The following FRMPD4 variants were observed in gnomAD, a reference collection of about 807,000 sequenced individuals.
FRMPD4 encodes the protein FERM and PDZ domain-containing protein 4.
FRMPD4 carries 22 observed loss-of-function variants against 94.1 expected under a neutral mutation model. The ratio of observed to expected loss-of-function variants is 0.23; its 90% CI spans 0.17 to 0.33. The LOEUF (loss-of-function observed/expected upper bound fraction) is 0.33. Ranked by LOEUF, FRMPD4 falls within the 10% of genes least tolerant of loss-of-function variation. The pLI, the probability that FRMPD4 is intolerant of heterozygous loss-of-function variation, is 1.00. For missense variants in FRMPD4, 1,111 were observed against 1,339.9 expected (o/e 0.83, Z 2.67); for synonymous variants, 631 against 548.6 (o/e 1.15, Z -2.10).
intron 3 of FRMPD4, among the ~76,000 whole-genome samples, chrX:12,025,634 C>A (rs773638428): frequency 1.8e-5 from 2 of 112,076 alleles, no homozygotes; most frequent in Non-Finnish European, 3.8e-5. Flanking sequence ...TGTTTGCATT[C>A]TCTGTGGCTT....
Position 12,384,497 on chromosome X carries a change from G to A in FRMPD4, c.42-114183G>A, listed in dbSNP as rs147765458. On this transcript the variant is annotated intron_variant, in intron 1 of 16. Transcript: ENST00000675598. ...CGCACCACTGACCTCCAACCTGAGC[G>A]ACAGAGCAAGACCTTGTCTCAAAAG... is the stretch of plus-strand genomic sequence containing the variant. 1.4e-4 allele frequency among the ~76,000 whole-genome samples: 16 copies of A among 111,048 alleles called. No homozygotes were observed. The South Asian group carries it at 3.5e-3, about 24-fold the overall frequency.
intron 3 of FRMPD4, among the ~76,000 whole-genome samples, chrX:12,125,915 G>T (rs887318619): frequency 3.6e-5 from 4 of 111,643 alleles, no homozygotes; most frequent in Non-Finnish European, 7.5e-5. Flanking sequence ...TATTCCTCAT[G>T]CTCCTGTTCC....
intron 1 of FRMPD4, among the ~76,000 whole-genome samples, chrX:12,486,784 G>A (rs2057743732): frequency 8.9e-6 from 1 of 112,063 alleles, no homozygotes; most frequent in Non-Finnish European, 1.9e-5. Context: ...GACATGAAAA[G>A]GTAGCAGGGC....
chrX:12,547,187 G>A (rs1366084657), intron 2 of FRMPD4, among the ~76,000 whole-genome samples: 3 of 110,785 alleles, frequency 2.7e-5, no homozygotes, highest in Non-Finnish European at 3.8e-5. Context: ...CTCCTGCAAC[G>A]ATGCCACAGA....
At chrX:12,675,722 C>T (rs2059892580) in intron 5 of FRMPD4, among the ~76,000 whole-genome samples, 1 of 111,750 alleles carries the variant, frequency 8.9e-6, no homozygotes, top group Admixed American at 9.6e-5. Flanking sequence ...GAGGCAAATT[C>T]CTTTAGATTT....
chrX:12,368,238 A>G (rs1009470415), intron 1 of FRMPD4, among the ~76,000 whole-genome samples: 2 of 111,996 alleles, frequency 1.8e-5, no homozygotes, highest in African/African-American at 6.5e-5. Flanking sequence ...GCTAAAGGAG[A>G]TGAAATATAT....
chrX:12,034,381 C>A (rs2147436404), intron 3 of FRMPD4, among the ~76,000 whole-genome samples: 1 of 112,013 alleles, frequency 8.9e-6, no homozygotes, highest in East Asian at 2.8e-4. Context: ...CCTCAAATGT[C>A]ATTTCCTAAA....
chrX:12,448,137 T>C (rs1028413950), intron 1 of FRMPD4, among the ~76,000 whole-genome samples: 5 of 111,973 alleles, frequency 4.5e-5, no homozygotes, highest in Non-Finnish European at 7.5e-5. Flanking sequence ...AGTGTTTGTA[T>C]ACTCAGTCAA....
intron 4 of FRMPD4, among the ~76,000 whole-genome samples, chrX:12,633,583 G>GA (rs1331859839): frequency 8.9e-6 from 1 of 112,049 alleles, no homozygotes; most frequent in Non-Finnish European, 1.9e-5. Flanking sequence ...ACATTATTTA[G>GA]AAAAAATAAG....
intron 2 of FRMPD4, among the ~76,000 whole-genome samples, chrX:12,526,574 G>C (rs766025274): frequency 9.0e-6 from 1 of 111,373 alleles, no homozygotes; most frequent in South Asian, 3.8e-4. Flanking sequence ...ACCTCCCTCT[G>C]GATCCTTTTC....
chrX:12,299,694 T>C (rs1224512330), intron 1 of FRMPD4, among the ~76,000 whole-genome samples: 1 of 111,802 alleles, frequency 8.9e-6, no homozygotes, highest in Non-Finnish European at 1.9e-5. Context: ...CAAGTATCCA[T>C]AGGTTATGAG....
intron 1 of FRMPD4, among the ~76,000 whole-genome samples, chrX:12,367,320 C>T (rs775255075): frequency 3.5e-4 from 39 of 112,289 alleles, no homozygotes; most frequent in Non-Finnish European, 7.0e-4. Context: ...TGCCCCTTCC[C>T]GATCCCATTC....
chrX:11,838,346 A>G (rs1368335297), intron 1 of FRMPD4, among the ~76,000 whole-genome samples: 4 of 111,872 alleles, frequency 3.6e-5, no homozygotes, highest in African/African-American at 9.7e-5. Context: ...TAGCTCTTAC[A>G]GTATCGAAAC....
intron 3 of FRMPD4, among the ~76,000 whole-genome samples, chrX:12,060,433 A>C (rs1023273572): frequency 1.9e-5 from 2 of 106,289 alleles, no homozygotes; most frequent in African/African-American, 6.9e-5. Context: ...GTGTGTGTTC[A>C]CATCTTTTGC....
At chrX:12,065,303 G>A (rs1225171599) in intron 3 of FRMPD4, among the ~76,000 whole-genome samples, 2 of 112,337 alleles carry the variant, frequency 1.8e-5, no homozygotes, top group Non-Finnish European at 1.9e-5. Flanking sequence ...GAAGCAGGTG[G>A]CTGGAAATGC....
chrX:12,181,714 T>G (rs916084394), intron 1 of FRMPD4, among the ~76,000 whole-genome samples: 1 of 111,100 alleles, frequency 9.0e-6, no homozygotes, highest in African/African-American at 3.3e-5. Context: ...TTATCAAGAT[T>G]TTCCAGACAG....
chrX:11,975,352 T>C (rs757014741), intron 3 of FRMPD4, among the ~76,000 whole-genome samples: 1 of 112,472 alleles, frequency 8.9e-6, no homozygotes, highest in South Asian at 3.7e-4. Context: ...TTTGGAAAAT[T>C]ATCTTTGAGC....
intron 1 of FRMPD4, among the ~76,000 whole-genome samples, chrX:12,236,231 T>C (rs769801390): frequency 3.8e-4 from 43 of 112,148 alleles, no homozygotes; most frequent in Non-Finnish European, 7.9e-4. Context: ...CATTTCCATA[T>C]CTGTAAAATC....
In FRMPD4 at chrX:12,721,480, T is replaced by G; in HGVS notation, c.4911T>G (p.Leu1637=). 1.3e-6 allele frequency: 1 copy of G among 755,823 alleles called. No homozygotes were observed. Among genetic ancestry groups the G allele is most frequent in the Non-Finnish European group, 1.6e-6 (1 of 639,202 alleles). The allele number at this position is 755,823 out of a possible 1,213,427, so 62.3% of individuals were successfully genotyped here. Residue 1637 remains leucine, a synonymous_variant, in exon 17 of 17, where the codon CTT becomes CTG. Coordinates refer to ENST00000675598, the MANE Select transcript of FRMPD4 (RefSeq NM_001368397.1). ...AGTCACGCCCTGAAGCGTACGACCT[T>G]ACACTTTCTCAGTACAAGCAACTGT... ...REESRPEAYD[L]TLSQYKQLLS... is the part of the protein sequence containing the mutation.
Sources: gnomAD v4.1 joint callset for allele counts (sites outside exome capture counted in the v4.1 genomes callset) on GRCh38, gnomAD v4.1.1 for gene constraint, MANE v1.5 for transcripts, NCBI Gene and HGNC (gene_info 2026-07-23, HGNC 2026-07-21) for gene names.